Variants in HERC1 observed in about 807,000 individuals in gnomAD.
HERC1 encodes HECT and RLD domain containing E3 ubiquitin protein ligase family member 1.
In HERC1, 160 loss-of-function variants were observed where a neutral mutation model predicts 554.3. That is an observed-to-expected ratio of 0.29 (90% CI 0.25 to 0.33). The LOEUF is 0.33. HERC1 is among the 10% of genes least tolerant of loss of function. The probability of loss-of-function intolerance (pLI) is 1.00; values close to 1 mark genes in which losing one functional copy is unlikely to be tolerated. For synonymous variants in HERC1, 2,175 were observed against 2,131.7 expected, an observed-to-expected ratio of 1.02 and a Z score of -0.56; for missense variants, 4,919 against 5,918.5, an observed-to-expected ratio of 0.83 and a Z score of 5.54.
chr15:63,818,079 A>T (rs868547333), intron 1 of HERC1, among the ~76,000 whole-genome samples: 11 of 152,238 alleles, frequency 7.2e-5, no homozygotes, highest in Middle Eastern at 3.4e-3. Context: ...AAGCTCTCCT[A>T]TATAATAATT....
At chr15:63,793,328 C>T (rs2076710046) in intron 1 of HERC1, among the ~76,000 whole-genome samples, 1 of 152,218 alleles carries the variant, frequency 6.6e-6, no homozygotes, top group Admixed American at 6.5e-5. Context: ...CCCACCAAAA[C>T]CAAGATGGCC....
chr15:63,736,259 G>T, intron 12 of HERC1, among the ~76,000 whole-genome samples: 1 of 152,206 alleles, frequency 6.6e-6, no homozygotes, highest in South Asian at 2.1e-4. Flanking sequence ...CTCAAAACAG[G>T]AAGATTGGTT....
intron 1 of HERC1, among the ~76,000 whole-genome samples, chr15:63,824,351 G>A (rs568695041): frequency 6.6e-6 from 1 of 152,096 alleles, no homozygotes; most frequent in African/African-American, 2.4e-5. Context: ...GGCTAACACA[G>A]TGAAACCCCA....
At chr15:63,690,359 A>G (rs1184407783) in intron 32 of HERC1, among the ~76,000 whole-genome samples, 182 bp downstream of exon 32, 2 of 152,090 alleles carry the variant, frequency 1.3e-5, no homozygotes, top group East Asian at 1.9e-4. Flanking sequence ...CTCACACCCC[A>G]TAACTTAATT....
At position 63,712,869 on chromosome 15, in the gene HERC1, C is replaced by A. The variant is rs1443824538; in HGVS notation, c.4490G>T (p.Arg1497Leu). The A allele has an allele frequency of 1.2e-6, 2 of 1,613,242 alleles. No individual in the cohort carries two copies. The highest frequency in any genetic ancestry group is 2.7e-5 in the African/African-American group (2 of 74,832). Reference protein sequence around the residue: ...TRSESLTAESRLVHTSPNYRL... With the variant: ...TRSESLTAESLLVHTSPNYRL... ...ATAATTTGGGCTTGTGTGGACTAGC[C>A]GGCTCTCTGCAGTAAGACTTTCACT... The change falls in exon 24 of 78, where the codon CGG becomes CTG. Residue 1497 changes from arginine (R) to leucine (L), a missense_variant. Coordinates refer to ENST00000443617, the MANE Select transcript of HERC1 (RefSeq NM_003922.4).
intron 12 of HERC1, among the ~76,000 whole-genome samples, chr15:63,743,364 C>T (rs1367673283): frequency 2.7e-5 from 4 of 148,676 alleles, no homozygotes; most frequent in African/African-American, 9.9e-5. Context: ...CAGGTTCAAG[C>T]GATTCTCCTG....
chr15:63,775,685 C>G lies in HERC1; in HGVS notation c.-26-36G>C. On this transcript the variant is annotated intron_variant, in intron 1 of 77. Transcript: ENST00000443617. The surrounding 1 kb of genome is among the most constrained non-coding windows in gnomAD (Gnocchi z 4.0). The stretch of plus-strand genomic sequence containing the variant: ...AGAAGAGAAAACAGTCAAAAACATA[C>G]AGAGGACTCATAAAATGTTTCCAAA... 1 of 1,285,950 alleles carries G rather than the reference C, an allele frequency of 7.8e-7. No individual in the cohort carries two copies. Among genetic ancestry groups the G allele is most frequent in the Non-Finnish European group, 1.1e-6 (1 of 922,860 alleles). 79.7% of individuals were successfully genotyped at this position (1,285,950 alleles called of 1,614,324 possible).
intron 24 of HERC1, among the ~76,000 whole-genome samples, chr15:63,712,542 A>C (rs1490808460): frequency 6.6e-6 from 1 of 152,264 alleles, no homozygotes; most frequent in Non-Finnish European, 1.5e-5. Flanking sequence ...TGGAATGTCC[A>C]TCAAAGAGTC....
intron 39 of HERC1, among the ~76,000 whole-genome samples, chr15:63,672,243 A>C (rs1239844539): frequency 6.6e-6 from 1 of 152,202 alleles, no homozygotes; most frequent in Non-Finnish European, 1.5e-5. Flanking sequence ...AGAATGTTAG[A>C]CTACTTGCTG....
chr15:63,624,336 G>C lies in HERC1; in HGVS notation c.13276-9C>G. 6.3e-7 allele frequency: 1 copy of C among 1,582,702 alleles called. No individual in the cohort carries two copies. The highest frequency in any genetic ancestry group is 8.6e-7 in the Non-Finnish European group (1 of 1,161,140). On this transcript the variant is annotated splice_polypyrimidine_tract_variant and intron_variant, in intron 71 of 77. Coordinates refer to ENST00000443617, the MANE Select transcript of HERC1 (RefSeq NM_003922.4). ...TAATGGGATGTGCTGTTCTGTAACA[G>C]AAGGTACGGTTATCAGAAATGGTAC...
chr15:63,634,892 A>T lies in HERC1; in HGVS notation c.12415-4T>A. 6.3e-7 allele frequency: 1 copy of T among 1,589,100 alleles called. No individual in the cohort carries two copies. Among genetic ancestry groups the T allele is most frequent in the Non-Finnish European group, 8.5e-7 (1 of 1,171,910 alleles). On this transcript the variant is annotated splice_polypyrimidine_tract_variant and splice_region_variant and intron_variant, in intron 65 of 77. Transcript: ENST00000443617. ...AGTGCTTGAAGCCACAAGACATCTA[A>T]GACAGAACCAAGGAGAAAGAAAATT... is the stretch of plus-strand genomic sequence containing the variant.
intron 3 of HERC1, among the ~76,000 whole-genome samples, chr15:63,759,660 T>G (rs1466577006): frequency 6.6e-6 from 1 of 152,370 alleles, no homozygotes; most frequent in East Asian, 1.9e-4. Flanking sequence ...TAAATTGACT[T>G]GTATGAACTC....
chr15:63,631,149 T>G (rs933174577), intron 68 of HERC1, among the ~76,000 whole-genome samples: 4 of 152,258 alleles, frequency 2.6e-5, no homozygotes, highest in Non-Finnish European at 4.4e-5. Context: ...TGGCTAATTT[T>G]AAGTTTCTTA....
At chr15:63,627,058 G>A (rs1408942890) in intron 70 of HERC1, among the ~76,000 whole-genome samples, 1 of 152,176 alleles carries the variant, frequency 6.6e-6, no homozygotes, top group Non-Finnish European at 1.5e-5. Context: ...ACACTGGATA[G>A]CTTCTGCCCT....
At chr15:63,789,342 G>A (rs904662562) in intron 1 of HERC1, among the ~76,000 whole-genome samples, 15 of 150,428 alleles carry the variant, frequency 1.0e-4, no homozygotes, top group African/African-American at 2.9e-4. Context: ...CGCCCGCCTC[G>A]GCCTCCCAAA....
At chr15:63,703,429 T>C (rs2072837353) in intron 25 of HERC1, among the ~76,000 whole-genome samples, 1 of 152,240 alleles carries the variant, frequency 6.6e-6, no homozygotes, top group South Asian at 2.1e-4. Flanking sequence ...TATACATCCA[T>C]TAAACTTCAG....
intron 46 of HERC1, among the ~76,000 whole-genome samples, 170 bp downstream of exon 46, chr15:63,660,803 A>C (rs1463369504): frequency 1.3e-5 from 2 of 152,228 alleles, no homozygotes; most frequent in Non-Finnish European, 2.9e-5. Context: ...TGACTTTTAA[A>C]CCAGCGTTGT....
chr15:63,786,276 TA>T (rs375937848), intron 1 of HERC1, among the ~76,000 whole-genome samples: 37,910 of 126,220 alleles, frequency 0.3, 5,515 homozygotes, highest in Middle Eastern at 0.41. Context: ...ATGTTTCTAT[TA>T]AAAAAAAAAA....
Position 63,668,862 on chromosome 15 carries a change from A to G in HERC1, c.8206+676T>C, listed in dbSNP as rs565659362. ...CACTCTCTCAATAATAGACAGAACA[A>G]GTAGACAAAAAAACCAGAAAGGATA... On this transcript the variant is annotated intron_variant, in intron 40 of 77. Transcript: ENST00000443617. Among the ~76,000 whole-genome samples the G allele has an allele frequency of 1.2e-3, 184 of 152,346 alleles. 1 individual carries two copies. Among genetic ancestry groups the G allele is most frequent in the African/African-American group, 4.4e-3 (181 of 41,568 alleles).
Sources: allele counts gnomAD v4.1 joint callset (sites outside exome capture counted in the v4.1 genomes callset), GRCh38; gene constraint gnomAD v4.1.1; non-coding constraint Gnocchi (gnomAD v3.1); transcripts MANE v1.5; gene names NCBI Gene and HGNC (gene_info 2026-07-23, HGNC 2026-07-21).